The following LSM14A variants were observed in gnomAD, a reference collection of about 807,000 sequenced individuals.
LSM14A encodes the protein LSM14A mRNA processing body assembly factor.
Under a neutral mutation model 52.4 loss-of-function variants are expected in LSM14A, and 14 were observed. That is an observed-to-expected ratio of 0.27 (90% CI 0.18 to 0.42). LSM14A has a LOEUF of 0.42. LSM14A is among the 10% of genes least tolerant of loss of function. The pLI, the probability that LSM14A is intolerant of heterozygous loss-of-function variation, is 1.00. For synonymous variants in LSM14A, 185 were observed against 200.3 expected (o/e 0.92, Z 0.64); for missense variants, 417 against 581.8 (o/e 0.72, Z 2.91).
Position 34,227,322 on chromosome 19 carries a change from C to A in LSM14A, c.1369-43C>A, listed in dbSNP as rs757095314. 4 of 1,350,396 alleles carry A rather than the reference C, an allele frequency of 3.0e-6. No homozygotes were observed. In the South Asian group the frequency reaches 3.8e-5, roughly 13 times the overall value. 83.7% of individuals were successfully genotyped at this position (1,350,396 alleles called of 1,614,324 possible). A position where few individuals can be genotyped will look rare whatever the true frequency, so the allele number is the denominator to read the frequency against. ...AGCAAAGTAAAAAGAAAATAATACACCAATAATTTGGAACATGAGCTAAAT... is the reference window on the plus strand; with the variant it reads ...AGCAAAGTAAAAAGAAAATAATACAACAATAATTTGGAACATGAGCTAAAT... On this transcript the variant is annotated intron_variant, in intron 9 of 9. Coordinates refer to ENST00000544216, the MANE Select transcript of LSM14A (RefSeq NM_015578.4).
chr19:34,192,987 A>T (rs1358413613), intron 1 of LSM14A, among the ~76,000 whole-genome samples: 1 of 152,090 alleles, frequency 6.6e-6, no homozygotes, highest in Non-Finnish European at 1.5e-5. Context: ...TCAAAAAAAA[A>T]GAAAAAAAAT....
rs1036341065 is a variant in LSM14A at position 34,228,868 on chromosome 19, C to T, written c.*1480C>T. The T allele has an allele frequency of 6.6e-6, 1 of 152,568 alleles. No homozygotes were observed. The highest frequency in any genetic ancestry group is 2.4e-5 in the African/African-American group (1 of 41,436). The allele number at this position is 152,568 out of a possible 1,614,324, so 9.5% of individuals were successfully genotyped here. ...TTCATTTTATATCTTTTGTATAGCT[C>T]TACAAGGCAGTGTTTTGTAATTTGG... On this transcript the variant is annotated 3_prime_UTR_variant, in exon 10 of 10. Transcript: ENST00000544216.
intron 4 of LSM14A, among the ~76,000 whole-genome samples, chr19:34,210,681 G>A (rs1306218410): frequency 6.6e-6 from 1 of 152,036 alleles, no homozygotes; most frequent in Non-Finnish European, 1.5e-5. Flanking sequence ...GCTCACTGCA[G>A]CCTCTACCTC....
In LSM14A at chr19:34,222,302, T is replaced by C. The variant is rs1265427606; in HGVS notation, c.1368+564T>C. Among the ~76,000 whole-genome samples, 3 of 152,348 alleles carry C rather than the reference T, an allele frequency of 2.0e-5. No homozygotes were observed. In the East Asian group the frequency reaches 5.8e-4, roughly 29 times the overall value. Reference sequence around the variant, plus strand: ...GGTTTTGTTGAAAATTCACTACATTTTCCCTGGTTTTCTCCTTTCACCATG... The same window carrying C: ...GGTTTTGTTGAAAATTCACTACATTCTCCCTGGTTTTCTCCTTTCACCATG... On this transcript the variant is annotated intron_variant, in intron 9 of 9. Transcript: ENST00000544216.
chr19:34,183,403 T>G (rs1419327763), intron 1 of LSM14A, among the ~76,000 whole-genome samples: 3 of 151,968 alleles, frequency 2.0e-5, no homozygotes, highest in African/African-American at 7.3e-5. Flanking sequence ...ATACAAAAAT[T>G]AGCCAGTCGT....
intron 3 of LSM14A, among the ~76,000 whole-genome samples, chr19:34,202,846 A>G (rs572072250): frequency 6.6e-6 from 1 of 151,974 alleles, no homozygotes; most frequent in South Asian, 2.1e-4. Flanking sequence ...TTTAGTAGAG[A>G]CGGGGTTTCA....
At chr19:34,217,936 A>T (rs987051353) in intron 6 of LSM14A, among the ~76,000 whole-genome samples, 13 of 150,500 alleles carry the variant, frequency 8.6e-5, no homozygotes, top group Non-Finnish European at 1.6e-4. Flanking sequence ...AGAACAGTGC[A>T]TATTCTTCCC....
At position 34,219,475 on chromosome 19, in the gene LSM14A, C is replaced by A. The variant is rs777499577; in HGVS notation, c.866C>A (p.Pro289Gln). 5 of 1,613,836 alleles carry A rather than the reference C, an allele frequency of 3.1e-6. No homozygotes were observed. In the South Asian group the frequency reaches 5.5e-5, roughly 18 times the overall value. Residue 289 changes from proline (P) to glutamine (Q), a missense_variant, in exon 7 of 10, where the codon CCA (proline) becomes CAA (glutamine). Physicochemically the swap from Pro to Gln is moderately conservative, Grantham distance 76. Transcript: ENST00000544216. ...AGATTTGGTATTCGGCGAGATGGGC[C>A]AATGAAATTTGAGAAAGACTTTGAC... ...RGRFGIRRDG[P>Q]MKFEKDFDFE...
At chr19:34,217,304 GTTGT>G (rs1000025390) in intron 6 of LSM14A, among the ~76,000 whole-genome samples, 3 of 149,610 alleles carry the variant, frequency 2.0e-5, no homozygotes, top group Non-Finnish European at 4.4e-5. Context: ...TTTTGAATCA[GTTGT>G]TTAAGAGCTG....
rs561495553 is a variant in LSM14A, at chr19:34,226,900, C to T, written c.1369-465C>T. Among the ~76,000 whole-genome samples, 17 of 152,330 alleles carry T rather than the reference C, an allele frequency of 1.1e-4. No individual in the cohort carries two copies. The South Asian group carries it at 1.2e-3, about 11-fold the overall frequency. ...TGTAAAATTGATTTTTAAACCATTG[C>T]TTCCTCCTGGCATGAAATTTTGGAG... On this transcript the variant is annotated intron_variant, in intron 9 of 9. Transcript: ENST00000544216.
At position 34,219,707 on chromosome 19, in the gene LSM14A, A is replaced by C; in HGVS notation, c.966A>C (p.Glu322Asp). ...TCTGATATGTGCTTTTGTTCTTAGA[A>C]GATAAACTTGAGAAACAGGAGAAGC... ...REFHNKLKLKEDKLEKQEKPV... is the reference protein window; with the variant it reads ...REFHNKLKLKDDKLEKQEKPV... Residue 322 changes from glutamate (E) to aspartate (D), a missense_variant and splice_region_variant, in exon 8 of 10, where the codon GAA becomes GAC. Around this residue, in one of 2 missense-constraint regions of LSM14A, gnomAD observed 357 missense variants for 457.0 expected, o/e 0.78. Transcript: ENST00000544216. The C allele has an allele frequency of 6.2e-7, 1 of 1,604,982 alleles. No individual in the cohort carries two copies. Among genetic ancestry groups the C allele is most frequent in the Non-Finnish European group, 8.5e-7 (1 of 1,177,566 alleles).
intron 3 of LSM14A, among the ~76,000 whole-genome samples, chr19:34,203,802 CAA>C (rs4012715): frequency 0.37 from 48,844 of 131,010 alleles, 8,396 homozygotes; most frequent in African/African-American, 0.41. Context: ...GACCCTGTCT[CAA>C]AAAAAAAAAA....
At chr19:34,211,284 C>T (rs969466382) in intron 4 of LSM14A, among the ~76,000 whole-genome samples, 5 of 149,796 alleles carry the variant, frequency 3.3e-5, no homozygotes, top group Non-Finnish European at 7.4e-5. Flanking sequence ...GGCGACAGAG[C>T]GAGACTCCAT....
chr19:34,211,213 G>A (rs996830872), intron 4 of LSM14A, among the ~76,000 whole-genome samples: 1 of 151,710 alleles, frequency 6.6e-6, no homozygotes, highest in African/African-American at 2.4e-5. Flanking sequence ...AGGCTGAGGT[G>A]GGAGAACCCG....
chr19:34,172,560 G>T lies in LSM14A; in HGVS notation c.-83G>T. 1.4e-6 allele frequency: 2 copies of T among 1,405,692 alleles called. No homozygotes were observed. Among genetic ancestry groups the T allele is most frequent in the African/African-American group, 3.0e-5 (2 of 66,046 alleles). The allele number at this position is 1,405,692 out of a possible 1,614,324, so 87.1% of individuals were successfully genotyped here. A position where few individuals can be genotyped will look rare whatever the true frequency, so the allele number is the denominator to read the frequency against. ...TGAAGCGGCTGCTGTAGGCGCCGAC[G>T]GAGCGAGCGGGCGTGCGGAGCGGGC... is the stretch of plus-strand genomic sequence containing the variant. On this transcript the variant is annotated 5_prime_UTR_variant, in exon 1 of 10. Coordinates refer to ENST00000544216, the MANE Select transcript of LSM14A (RefSeq NM_015578.4).
rs1391480443 is a variant in LSM14A, at chr19:34,212,782, G to C, written c.539-2342G>C. ...AAACTGGCATCATGATGATTAGTAGGCCTTAATAGTGAAAAGGCTTTTTAA... is the reference window on the plus strand; with the variant it reads ...AAACTGGCATCATGATGATTAGTAGCCCTTAATAGTGAAAAGGCTTTTTAA... On this transcript the variant is annotated intron_variant, in intron 4 of 9. Transcript: ENST00000544216. Among the ~76,000 whole-genome samples the C allele has an allele frequency of 5.3e-5, 8 of 152,204 alleles. No individual in the cohort carries two copies. In the East Asian group the frequency reaches 1.5e-3, roughly 29 times the overall value.
intron 3 of LSM14A, among the ~76,000 whole-genome samples, chr19:34,206,727 C>A (rs2071728727): frequency 6.6e-6 from 1 of 151,882 alleles, no homozygotes; most frequent in African/African-American, 2.4e-5. Context: ...ATTTGCTGAC[C>A]CTATAACCAA....
At position 34,215,192 on chromosome 19, in the gene LSM14A, T is replaced by G. The variant is rs1241413341; in HGVS notation, c.607T>G (p.Ser203Ala). ...PTMEQAVQTA[S>A]AHLPAPAAVG... ...CATGGAACAAGCAGTGCAGACCGCC[T>G]CAGCCCACTTACCTGCTCCAGCAGC... Residue 203 changes from serine to alanine, a missense_variant, in exon 5 of 10, where the codon TCA becomes GCA. Transcript: ENST00000544216. The G allele has an allele frequency of 6.2e-7, 1 of 1,614,032 alleles. No homozygotes were observed. The highest frequency in any genetic ancestry group is 8.5e-7 in the Non-Finnish European group (1 of 1,180,034).
rs77130897 is a variant in LSM14A, at chr19:34,200,508, A to G, written c.415+3745A>G. 4.6e-3 allele frequency among the ~76,000 whole-genome samples: 703 copies of G among 152,234 alleles called. 25 individuals are homozygous for G. In the East Asian group the frequency reaches 0.065, roughly 14 times the overall value. On this transcript the variant is annotated intron_variant, in intron 3 of 9. Transcript: ENST00000544216. ...AAGTATTTAAAAGTAAAAGGGCCAAATTGATTTTAGCCTCTCTAAACAAAA... is the reference window on the plus strand; with the variant it reads ...AAGTATTTAAAAGTAAAAGGGCCAAGTTGATTTTAGCCTCTCTAAACAAAA...
Sources: gnomAD v4.1 joint callset for allele counts (sites outside exome capture counted in the v4.1 genomes callset) on GRCh38, gnomAD v4.1.1 for gene constraint, gnomAD v4.1.1 regional missense constraint, MANE v1.5 for transcripts, NCBI Gene and HGNC (gene_info 2026-07-23, HGNC 2026-07-21) for gene names.